CARMIL1: variants seen among roughly 807,000 people sequenced by gnomAD.
CARMIL1 encodes F-actin-uncapping protein LRRC16A.
A neutral mutation model predicts 177.1 loss-of-function variants in CARMIL1; 90 were observed. The observed-to-expected ratio is 0.51, with a 90% CI of 0.43 to 0.61. The LOEUF is 0.61. Among genes scored for constraint, CARMIL1 ranks in the 20% least tolerant of loss-of-function variants. The pLI, the probability that CARMIL1 is intolerant of heterozygous loss-of-function variation, is 0.00. For synonymous variants in CARMIL1, 577 were observed against 606.2 expected (o/e 0.95, Z 0.71); for missense variants, 1,380 against 1,667.0 (o/e 0.83, Z 3.00).
intron 2 of CARMIL1, among the ~76,000 whole-genome samples, chr6:25,304,192 A>T (rs908144721): frequency 6.6e-6 from 1 of 152,212 alleles, no homozygotes; most frequent in African/African-American, 2.4e-5. Context: ...CAATTGATAA[A>T]AATTACAGGT....
At chr6:25,541,947 C>T (rs1188380626) in intron 26 of CARMIL1, among the ~76,000 whole-genome samples, 1 of 152,256 alleles carries the variant, frequency 6.6e-6, no homozygotes, top group African/African-American at 2.4e-5. Flanking sequence ...GCATGAGCCA[C>T]TGCTCCCGGC....
intron 27 of CARMIL1, among the ~76,000 whole-genome samples, chr6:25,551,539 T>C (rs1810107324): frequency 6.6e-6 from 1 of 152,224 alleles, no homozygotes; most frequent in Non-Finnish European, 1.5e-5. Context: ...GGGTCTGTAA[T>C]ACTATATGTG....
intron 20 of CARMIL1, among the ~76,000 whole-genome samples, chr6:25,513,367 A>G (rs895896233): frequency 6.6e-6 from 1 of 152,334 alleles, no homozygotes; most frequent in Non-Finnish European, 1.5e-5. Flanking sequence ...TTGAGTCTAA[A>G]TGTATTCAGA....
chr6:25,459,246 C>CTTTCTTTCTTTCTTTCTTTCTTTCT (rs1348411242), intron 8 of CARMIL1, among the ~76,000 whole-genome samples: 1 of 110,960 alleles, frequency 9.0e-6, no homozygotes, highest in Non-Finnish European at 1.8e-5. Flanking sequence ...TTCTTTCTTT[C>CTTTCTTTCTTTCTTTCTTTCTTTCT]TTTCTTTCTT....
intron 4 of CARMIL1, among the ~76,000 whole-genome samples, chr6:25,430,431 GTT>G (rs34148308): frequency 6.3e-4 from 89 of 142,370 alleles, no homozygotes; most frequent in African/African-American, 1.3e-3. Flanking sequence ...CTTTGAGAAG[GTT>G]TTTTTTTTTT....
chr6:25,340,494 T>C (rs775913783), intron 2 of CARMIL1, among the ~76,000 whole-genome samples: 4 of 152,212 alleles, frequency 2.6e-5, no homozygotes, highest in South Asian at 2.1e-4. Context: ...ATTGGATCAT[T>C]GGTTTAGGGT....
chr6:25,343,212 AT>A (rs528435841), intron 2 of CARMIL1, among the ~76,000 whole-genome samples: 1 of 152,280 alleles, frequency 6.6e-6, no homozygotes. Flanking sequence ...TTGAATTATA[AT>A]TTTAAAAAAT....
intron 2 of CARMIL1, among the ~76,000 whole-genome samples, chr6:25,365,301 T>C (rs1789659096): frequency 6.6e-6 from 1 of 152,188 alleles, no homozygotes; most frequent in Non-Finnish European, 1.5e-5. Context: ...CTTGAATCCA[T>C]GTATAGGCAT....
intron 2 of CARMIL1, among the ~76,000 whole-genome samples, chr6:25,305,436 C>T (rs1021765477): frequency 6.6e-6 from 1 of 152,058 alleles, no homozygotes; most frequent in Non-Finnish European, 1.5e-5. Flanking sequence ...TAAGACAATC[C>T]ACGGGTTTTT....
At chr6:25,361,881 A>T (rs1038706227) in intron 2 of CARMIL1, among the ~76,000 whole-genome samples, 1 of 152,192 alleles carries the variant, frequency 6.6e-6, no homozygotes, top group Admixed American at 6.5e-5. Context: ...CCCTCGCCAG[A>T]TGCAGACTCT....
chr6:25,337,353 A>C (rs982336238), intron 2 of CARMIL1, among the ~76,000 whole-genome samples: 4 of 152,190 alleles, frequency 2.6e-5, no homozygotes, highest in African/African-American at 4.8e-5. Flanking sequence ...TTTGTGAACT[A>C]TGAGACTTCT....
intron 13 of CARMIL1, among the ~76,000 whole-genome samples, chr6:25,490,753 A>G (rs1419466265): frequency 3.8e-5 from 1 of 26,234 alleles, no homozygotes; most frequent in African/African-American, 2.7e-4. Flanking sequence ...AAATAAATAA[A>G]AAAAAATAAA....
intron 24 of CARMIL1, among the ~76,000 whole-genome samples, chr6:25,531,008 G>A (rs1222503610): frequency 1.3e-5 from 2 of 152,156 alleles, no homozygotes; most frequent in African/African-American, 2.4e-5. Flanking sequence ...TAAAGGTAAC[G>A]AAACAAACTA....
chr6:25,374,024 A>C (rs1431042500), intron 2 of CARMIL1, among the ~76,000 whole-genome samples: 1 of 152,148 alleles, frequency 6.6e-6, no homozygotes, highest in Non-Finnish European at 1.5e-5. Flanking sequence ...AGTTTCATTT[A>C]GTTCTGCTCT....
intron 2 of CARMIL1, among the ~76,000 whole-genome samples, chr6:25,294,341 C>G (rs1226772048): frequency 6.6e-6 from 1 of 152,172 alleles, no homozygotes; most frequent in Non-Finnish European, 1.5e-5. Flanking sequence ...GACAGATTGA[C>G]TCAAACAGAC....
At chr6:25,609,196 G>A (rs981254777) in intron 35 of CARMIL1, among the ~76,000 whole-genome samples, 1 of 152,056 alleles carries the variant, frequency 6.6e-6, no homozygotes, top group African/African-American at 2.4e-5. Flanking sequence ...GCCAGGCGCG[G>A]TGGCTCACAC....
intron 9 of CARMIL1, among the ~76,000 whole-genome samples, chr6:25,470,361 C>T (rs1285034389): frequency 6.6e-6 from 1 of 152,114 alleles, no homozygotes; most frequent in African/African-American, 2.4e-5. Context: ...TAACTCAGTG[C>T]CTGGCACATG....
At chr6:25,561,440 G>GAGC (rs761275245) in intron 29 of CARMIL1, among the ~76,000 whole-genome samples, 70 of 152,208 alleles carry the variant, frequency 4.6e-4, no homozygotes, top group African/African-American at 1.7e-3. Context: ...TCATGCAGAG[G>GAGC]AGCAGTTTGT....
chr6:25,614,180 C>T (rs368739332), intron 36 of CARMIL1, among the ~76,000 whole-genome samples: 20 of 152,330 alleles, frequency 1.3e-4, no homozygotes, highest in East Asian at 9.6e-4. Context: ...AGCCTGCCTT[C>T]TCAGCCAGTG....
Sources: gnomAD v4.1 joint callset for allele counts (sites outside exome capture counted in the v4.1 genomes callset) on GRCh38, gnomAD v4.1.1 for gene constraint, MANE v1.5 for transcripts, NCBI Gene and HGNC (gene_info 2026-07-23, HGNC 2026-07-21) for gene names.